The following FARP1 variants were observed in gnomAD, a reference collection of about 807,000 sequenced individuals.
The protein encoded by FARP1 is FERM, ARHGEF and pleckstrin domain-containing protein 1.
In FARP1, 52 loss-of-function variants were observed where a neutral mutation model predicts 128.8. The ratio of observed to expected loss-of-function variants is 0.40; its 90% CI spans 0.32 to 0.51. FARP1 has a LOEUF of 0.51. Among genes scored for constraint, FARP1 ranks in the 20% least tolerant of loss-of-function variants. The pLI is 0.45. For missense variants in FARP1, 1,333 were observed against 1,367.9 expected, an observed-to-expected ratio of 0.97 and a Z score of 0.40; for synonymous variants, 580 against 551.8, an observed-to-expected ratio of 1.05 and a Z score of -0.72.
Position 98,176,056 on chromosome 13 carries a change from T to G in FARP1, c.-24+32564T>G, listed in dbSNP as rs1305122419. The G allele has an allele frequency of 4.9e-6, 5 of 1,010,288 alleles. No individual in the cohort carries two copies. The highest frequency in any genetic ancestry group is 7.6e-6 in the Non-Finnish European group (5 of 657,026). The allele number at this position is 1,010,288 out of a possible 1,614,324, so 62.6% of individuals were successfully genotyped here. On this transcript the variant is annotated intron_variant, in intron 1 of 26. Coordinates refer to ENST00000319562, the MANE Select transcript of FARP1 (RefSeq NM_005766.4). The surrounding 1 kb of genome is among the most constrained non-coding windows in gnomAD (Gnocchi z 6.2). ...TACCTCTTTGAGATCCGGATTTCAA[T>G]TCTTTTGGTTACATACTCAGGCATG... is the stretch of plus-strand genomic sequence containing the variant.
chr13:98,330,574 G>A (rs563721082), intron 2 of FARP1, among the ~76,000 whole-genome samples: 190 of 152,138 alleles, frequency 1.2e-3, no homozygotes, highest in Non-Finnish European at 2.4e-3. Context: ...GACCAACATG[G>A]TGAAACCCCG....
intron 1 of FARP1, chr13:98,175,679 C>T (rs1211357279): frequency 6.2e-6 from 1 of 161,098 alleles, no homozygotes; most frequent in African/African-American, 2.4e-5. Context: ...AACAACAGCT[C>T]CCCACTCCCG....
chr13:98,384,287 G>A, intron 6 of FARP1: 1 of 166,930 alleles, frequency 6.0e-6, no homozygotes, highest in Non-Finnish European at 1.3e-5. Context: ...CCACCTCCCG[G>A]GTTCAAGCAG....
intron 2 of FARP1, among the ~76,000 whole-genome samples, chr13:98,302,688 G>A (rs1885972989): frequency 6.6e-6 from 1 of 152,216 alleles, no homozygotes. Flanking sequence ...GAGAATGGAA[G>A]CCATTAGTTC....
In FARP1 at chr13:98,144,398, G is replaced by C. The variant is rs533539603; in HGVS notation, c.-24+906G>C. 8.5e-5 allele frequency among the ~76,000 whole-genome samples: 13 copies of C among 152,306 alleles called. No homozygotes were observed. In the South Asian group the frequency reaches 1.2e-3, roughly 15 times the overall value. On this transcript the variant is annotated intron_variant, in intron 1 of 26. Coordinates refer to ENST00000319562, the MANE Select transcript of FARP1 (RefSeq NM_005766.4). ...CTGATCAGTTCGTGGAGACGTGGGA[G>C]AGCCTGCTTGTCATCTGGAACAGTT...
intron 19 of FARP1, among the ~76,000 whole-genome samples, chr13:98,436,665 G>C (rs2139090844): frequency 6.6e-6 from 1 of 152,340 alleles, no homozygotes. Flanking sequence ...GAACTGACCA[G>C]AAGCCACGTT....
intron 17 of FARP1, among the ~76,000 whole-genome samples, 182 bp from the exon 18 acceptor site, chr13:98,430,861 T>A (rs1208793039): frequency 6.6e-5 from 10 of 152,192 alleles, no homozygotes; most frequent in Admixed American, 6.5e-4. Context: ...TTTTATTTCA[T>A]CCTGAGAACT....
At chr13:98,202,547 T>C (rs544040888) in intron 1 of FARP1, among the ~76,000 whole-genome samples, 1 of 152,292 alleles carries the variant, frequency 6.6e-6, no homozygotes, top group South Asian at 2.1e-4. Context: ...TGCAAAAAGT[T>C]TCTCTTCATC....
At chr13:98,404,938 A>G (rs1192023547) in intron 13 of FARP1, 1 of 152,200 alleles carries the variant, frequency 6.6e-6, no homozygotes, top group African/African-American at 2.4e-5. Flanking sequence ...TTTATAGGAA[A>G]AAATAATACC....
intron 1 of FARP1, among the ~76,000 whole-genome samples, chr13:98,165,214 CAAAAAAAAA>C (rs34285712): frequency 1.2e-5 from 1 of 84,766 alleles, no homozygotes; most frequent in South Asian, 5.7e-4. Flanking sequence ...GACTCTGTCT[CAAAAAAAAA>C]AAAAAAAAAA....
In FARP1 at chr13:98,176,775, C is replaced by T. The variant is rs1206045976; in HGVS notation, c.-24+33283C>T. ...ACGTGTCCTTGGGCTTCAGGTACCT[C>T]AGGTAGCTGTGGATTCCCCGGTAGA... On this transcript the variant is annotated intron_variant, in intron 1 of 26. Coordinates refer to ENST00000319562, the MANE Select transcript of FARP1 (RefSeq NM_005766.4). This position sits in a 1 kb window ranked among gnomAD's most constrained non-coding sequence, Gnocchi z 6.2. The T allele has an allele frequency of 1.2e-6, 2 of 1,613,930 alleles. No individual in the cohort carries two copies. Among genetic ancestry groups the T allele is most frequent in the South Asian group, 1.1e-5 (1 of 91,074 alleles).
rs542310067 is a variant in FARP1, at chr13:98,384,923, A to G, written c.611+79A>G. 2.5e-5 allele frequency: 20 copies of G among 802,474 alleles called. No homozygotes were observed. The African/African-American group carries it at 3.4e-4, about 14-fold the overall frequency. The allele number at this position is 802,474 out of a possible 1,614,324, so 49.7% of individuals were successfully genotyped here. ...AACCTACATGGGTGTACATCCCTCC[A>G]CCCCCCACACAAACTATTGTGGAGA... On this transcript the variant is annotated intron_variant, in intron 7 of 26. Transcript: ENST00000319562.
intron 15 of FARP1, among the ~76,000 whole-genome samples, chr13:98,411,496 C>G (rs997136132): frequency 1.3e-5 from 2 of 152,154 alleles, no homozygotes; most frequent in African/African-American, 4.8e-5. Flanking sequence ...GTTTGGCCAC[C>G]TTCATGCCCA....
At chr13:98,447,958 ACCAGAGG>A in intron 26 of FARP1, 1 of 484,078 alleles carries the variant, frequency 2.1e-6, no homozygotes, top group East Asian at 3.7e-5. Context: ...CTCCCCAGCA[ACCAGAGG>A]CCACCTCGCT....
intron 2 of FARP1, among the ~76,000 whole-genome samples, chr13:98,312,164 G>A (rs543814345): frequency 0.012 from 432 of 37,492 alleles, 2 homozygotes; most frequent in African/African-American, 0.029. Flanking sequence ...TCTTTGAGAC[G>A]GAGTCTCGCT....
At chr13:98,160,296 G>C (rs140948151) in intron 1 of FARP1, among the ~76,000 whole-genome samples, 1 of 152,168 alleles carries the variant, frequency 6.6e-6, no homozygotes, top group Non-Finnish European at 1.5e-5. Flanking sequence ...GTGTGCTGTA[G>C]GCGTGATGGT....
chr13:98,409,741 AT>A (rs1891120286), intron 14 of FARP1, among the ~76,000 whole-genome samples: 1 of 152,082 alleles, frequency 6.6e-6, no homozygotes, highest in Non-Finnish European at 1.5e-5. Context: ...AACTACATCC[AT>A]TTGTCACTAA....
In FARP1 at chr13:98,286,943, C is replaced by A. The variant is rs183199855; in HGVS notation, c.172-56819C>A. 1.6e-4 allele frequency among the ~76,000 whole-genome samples: 24 copies of A among 152,238 alleles called. No homozygotes were observed. In the East Asian group the frequency reaches 4.4e-3, roughly 28 times the overall value. On this transcript the variant is annotated intron_variant, in intron 2 of 26. Transcript: ENST00000319562. ...TCCATGATATCACATCATTTTGTTA[C>A]CTGAGCCAATTTAATTAAAAAACTC...
At chr13:98,274,733 A>G (rs1016724457) in intron 2 of FARP1, among the ~76,000 whole-genome samples, 5 of 152,200 alleles carry the variant, frequency 3.3e-5, no homozygotes, top group Admixed American at 6.5e-5. Context: ...CAGTCTAAAC[A>G]TAAAACACTA....
Sources: allele counts gnomAD v4.1 joint callset (sites outside exome capture counted in the v4.1 genomes callset), GRCh38; gene constraint gnomAD v4.1.1; non-coding constraint Gnocchi (gnomAD v3.1); transcripts MANE v1.5; gene names NCBI Gene and HGNC (gene_info 2026-07-23, HGNC 2026-07-21).